HMGB1: variants seen among roughly 807,000 people sequenced by gnomAD.
HMGB1 encodes the protein high mobility group box 1.
For synonymous variants in HMGB1, 81 were observed against 84.0 expected (o/e 0.96, Z 0.19); for missense variants, 79 against 253.5 (o/e 0.31, Z 4.67).
chr13:30,608,615 G>A (rs1314285890), intron 1 of HMGB1, among the ~76,000 whole-genome samples: 2 of 152,118 alleles, frequency 1.3e-5, no homozygotes, highest in African/African-American at 4.8e-5. Flanking sequence ...TTTCCATTTG[G>A]GATTTGGCTG....
At chr13:30,553,956 C>T (rs1401872769) in intron 1 of HMGB1, 1 of 1,478,282 alleles carries the variant, frequency 6.8e-7, no homozygotes, top group East Asian at 2.3e-5. Context: ...CATGTGCTGC[C>T]ATTTCTGGCT....
intron 1 of HMGB1, among the ~76,000 whole-genome samples, chr13:30,585,229 C>T (rs1219737511): frequency 6.6e-6 from 1 of 151,926 alleles, no homozygotes; most frequent in Non-Finnish European, 1.5e-5. Flanking sequence ...GGGAGGGTCA[C>T]CTGAGCCTGG....
chr13:30,489,909 A>G (rs765697206), intron 1 of HMGB1, among the ~76,000 whole-genome samples: 5 of 151,090 alleles, frequency 3.3e-5, no homozygotes, highest in Non-Finnish European at 7.4e-5. Context: ...TAATTTTTGT[A>G]ATTTTAGTAG....
intron 1 of HMGB1, among the ~76,000 whole-genome samples, chr13:30,547,673 T>C (rs1455084579): frequency 6.6e-6 from 1 of 152,122 alleles, no homozygotes; most frequent in Non-Finnish European, 1.5e-5. Flanking sequence ...GTGGCTCACT[T>C]TGGGAGGCCA....
At chr13:30,591,933 A>G (rs1441245516) in intron 1 of HMGB1, among the ~76,000 whole-genome samples, 7 of 152,172 alleles carry the variant, frequency 4.6e-5, no homozygotes, top group African/African-American at 7.2e-5. Flanking sequence ...GGGTAGCGCA[A>G]TAACTAAGGT....
At chr13:30,517,801 TACAAAAA>T (rs1888133867) in intron 1 of HMGB1, among the ~76,000 whole-genome samples, 1 of 152,114 alleles carries the variant, frequency 6.6e-6, no homozygotes, top group Non-Finnish European at 1.5e-5. Flanking sequence ...TATTTCAGCA[TACAAAAA>T]CCAAAAATCA....
chr13:30,473,014 C>T (rs956000806), intron 1 of HMGB1, among the ~76,000 whole-genome samples: 2 of 152,130 alleles, frequency 1.3e-5, no homozygotes, highest in South Asian at 2.1e-4. Context: ...GGTCTATGCT[C>T]AGTTTCCTCA....
At chr13:30,572,901 A>G (rs913187603) in intron 1 of HMGB1, among the ~76,000 whole-genome samples, 53 of 152,228 alleles carry the variant, frequency 3.5e-4, no homozygotes, top group African/African-American at 1.3e-3. Context: ...GATATCTAGC[A>G]ACAAAACTCT....
At chr13:30,506,530 A>T (rs1022467727) in intron 1 of HMGB1, among the ~76,000 whole-genome samples, 2 of 152,140 alleles carry the variant, frequency 1.3e-5, no homozygotes, top group African/African-American at 4.8e-5. Context: ...TCACACGAAG[A>T]CCGGTCCTTG....
At chr13:30,591,346 T>C (rs1871361805) in intron 1 of HMGB1, among the ~76,000 whole-genome samples, 3 of 152,068 alleles carry the variant, frequency 2.0e-5, no homozygotes, top group Admixed American at 6.6e-5. Flanking sequence ...CACAGTGTTT[T>C]TACAGAGAAG....
intron 1 of HMGB1, among the ~76,000 whole-genome samples, chr13:30,535,486 T>C (rs1318473812): frequency 6.6e-6 from 1 of 152,220 alleles, no homozygotes; most frequent in East Asian, 1.9e-4. Flanking sequence ...TGCTTCTCTT[T>C]ACCATTTGAA....
At chr13:30,568,322 C>T (rs576726561) in intron 1 of HMGB1, among the ~76,000 whole-genome samples, 6 of 152,210 alleles carry the variant, frequency 3.9e-5, no homozygotes, top group Admixed American at 1.3e-4. Flanking sequence ...GCCCAGGCAA[C>T]ATATTGAGAC....
chr13:30,587,202 T>C (rs1871192217), intron 1 of HMGB1, among the ~76,000 whole-genome samples: 1 of 152,242 alleles, frequency 6.6e-6, no homozygotes, highest in African/African-American at 2.4e-5. Context: ...CTCACAACTT[T>C]ATAAATACAG....
At chr13:30,549,321 C>T (rs1443057793) in intron 1 of HMGB1, among the ~76,000 whole-genome samples, 2 of 152,154 alleles carry the variant, frequency 1.3e-5, no homozygotes, top group Non-Finnish European at 2.9e-5. Context: ...CAGATTGGGG[C>T]AGCATCTCTG....
At chr13:30,492,322 C>CA (rs796448704) in intron 1 of HMGB1, among the ~76,000 whole-genome samples, 194 of 143,982 alleles carry the variant, frequency 1.3e-3, no homozygotes, top group African/African-American at 4.6e-3. Context: ...AGCCTCATCT[C>CA]AAAAAAAAAT....
intron 1 of HMGB1, among the ~76,000 whole-genome samples, chr13:30,479,550 C>CT (rs923131559): frequency 3.3e-5 from 5 of 152,172 alleles, no homozygotes; most frequent in African/African-American, 1.2e-4. Flanking sequence ...TTTTTGAATT[C>CT]TTTTTTTCAC....
At chr13:30,512,149 T>TAA (rs111463825) in intron 1 of HMGB1, among the ~76,000 whole-genome samples, 11 of 144,620 alleles carry the variant, frequency 7.6e-5, no homozygotes, top group African/African-American at 2.3e-4. Context: ...GCTTGTCTCT[T>TAA]AAAAAAAAAA....
At chr13:30,573,859 G>T (rs1462156666) in intron 1 of HMGB1, among the ~76,000 whole-genome samples, 1 of 152,120 alleles carries the variant, frequency 6.6e-6, no homozygotes, top group Non-Finnish European at 1.5e-5. Flanking sequence ...TCACCAGGTT[G>T]CCGTGGCTGA....
chr13:30,556,399 T>G (rs1177839606), intron 1 of HMGB1, among the ~76,000 whole-genome samples: 1 of 152,160 alleles, frequency 6.6e-6, no homozygotes, highest in Non-Finnish European at 1.5e-5. Context: ...AGAGAAACTC[T>G]GTTTCAAAAA....
Sources: allele counts gnomAD v4.1 joint callset (sites outside exome capture counted in the v4.1 genomes callset), GRCh38; gene constraint gnomAD v4.1.1; transcripts MANE v1.5; gene names NCBI Gene and HGNC (gene_info 2026-07-23, HGNC 2026-07-21).